Variants in CFAP54 observed in about 807,000 individuals in gnomAD.
CFAP54 encodes cilia and flagella associated protein 54, also known as cilia- and flagella-associated protein 54.
A neutral mutation model predicts 370.4 loss-of-function variants in CFAP54; 290 were observed. That is an observed-to-expected ratio of 0.78 (90% CI 0.71 to 0.86). The LOEUF (loss-of-function observed/expected upper bound fraction) is 0.86, where lower values mean the gene tolerates loss of function less well. Ranked by LOEUF, CFAP54 falls within the 40% of genes least tolerant of loss-of-function variation. CFAP54 has a pLI of 0.00. For missense variants in CFAP54, 3,399 were observed against 3,528.7 expected, an observed-to-expected ratio of 0.96 and a Z score of 0.93; for synonymous variants, 1,206 against 1,236.5, an observed-to-expected ratio of 0.98 and a Z score of 0.52.
chr12:96,813,418 T>C (rs1157379109), intron 64 of CFAP54, among the ~76,000 whole-genome samples: 1 of 152,130 alleles, frequency 6.6e-6, no homozygotes, highest in African/African-American at 2.4e-5. Context: ...GAAGGCAAAG[T>C]AGGAGTAAAA....
At chr12:96,501,861 A>C (rs998291466) in intron 2 of CFAP54, among the ~76,000 whole-genome samples, 49 of 152,248 alleles carry the variant, frequency 3.2e-4, no homozygotes, top group African/African-American at 1.2e-3. Flanking sequence ...ATAGTTCCAC[A>C]TAAATGGACC....
intron 40 of CFAP54, among the ~76,000 whole-genome samples, chr12:96,681,607 C>G (rs1016563931): frequency 6.6e-6 from 1 of 151,858 alleles, no homozygotes; most frequent in Non-Finnish European, 1.5e-5. Context: ...GCTGTCTTGC[C>G]CAGGCTGGAG....
intron 48 of CFAP54, 111 bp from the exon 49 acceptor site, chr12:96,718,332 C>A: frequency 1.6e-6 from 1 of 636,342 alleles, no homozygotes; most frequent in East Asian, 3.2e-5. Flanking sequence ...GTGCTCCAGC[C>A]TGGGTGACAG....
intron 17 of CFAP54, among the ~76,000 whole-genome samples, chr12:96,560,770 T>C (rs544295821): frequency 1.3e-5 from 2 of 152,316 alleles, no homozygotes; most frequent in East Asian, 3.9e-4. Context: ...AGTGAAAAAG[T>C]AATTGGTGCT....
chr12:96,825,390 T>C (rs1242256859), intron 65 of CFAP54, among the ~76,000 whole-genome samples: 46 of 112,058 alleles, frequency 4.1e-4, no homozygotes, highest in South Asian at 7.9e-4. Context: ...TTATATATTA[T>C]GTAACATGTT....
rs1435449269 is a variant in CFAP54, at chr12:96,757,567, A to G, written c.8019A>G (p.Ser2673=). The change falls in exon 58 of 68, where the codon TCA becomes TCG. Residue 2673 remains serine (S), a synonymous_variant. Coordinates refer to ENST00000524981, the MANE Select transcript of CFAP54 (RefSeq NM_001306084.2). ...FHLKKPKIKI[S]GSPLTLKPPL... is the part of the protein sequence containing the mutation. Reference sequence around the variant, plus strand: ...TGAAGAAGCCAAAGATAAAAATTTCAGGATCACCATTAACACTTAAGGTAA... The same window carrying G: ...TGAAGAAGCCAAAGATAAAAATTTCGGGATCACCATTAACACTTAAGGTAA... The G allele has an allele frequency of 1.9e-6, 3 of 1,590,844 alleles. No homozygotes were observed. The highest frequency in any genetic ancestry group is 2.6e-6 in the Non-Finnish European group (3 of 1,163,446).
chr12:96,738,120 G>A (rs1958002926), intron 50 of CFAP54, among the ~76,000 whole-genome samples: 1 of 152,152 alleles, frequency 6.6e-6, no homozygotes, highest in African/African-American at 2.4e-5. Flanking sequence ...TTGAACGAAC[G>A]CGTTAGCAGT....
chr12:96,620,242 A>T (rs1158602934), intron 26 of CFAP54, among the ~76,000 whole-genome samples: 1 of 152,128 alleles, frequency 6.6e-6, no homozygotes, highest in Non-Finnish European at 1.5e-5. Flanking sequence ...ATATGGTTTG[A>T]CTGTCTCCCC....
At chr12:96,566,218 T>G (rs1430802140) in intron 19 of CFAP54, among the ~76,000 whole-genome samples, 2 of 152,182 alleles carry the variant, frequency 1.3e-5, no homozygotes, top group Non-Finnish European at 2.9e-5. Context: ...CTCTGTCGGA[T>G]GCAGTGGGAG....
intron 9 of CFAP54, among the ~76,000 whole-genome samples, chr12:96,530,068 A>G (rs1955425467): frequency 6.6e-6 from 1 of 152,240 alleles, no homozygotes; most frequent in Non-Finnish European, 1.5e-5. Context: ...ACACAGCACC[A>G]TTTATTGAAG....
chr12:96,759,141 C>T (rs748967915), intron 58 of CFAP54, among the ~76,000 whole-genome samples: 10 of 151,938 alleles, frequency 6.6e-5, no homozygotes, highest in Non-Finnish European at 1.2e-4. Context: ...AATAGAGTCT[C>T]AGTCAATTCT....
chr12:96,826,344 A>G (rs1196118852), intron 65 of CFAP54, among the ~76,000 whole-genome samples: 4 of 140,728 alleles, frequency 2.8e-5, no homozygotes, highest in East Asian at 2.0e-4. Flanking sequence ...TCTACAATAT[A>G]TATACTTGAA....
intron 66 of CFAP54, among the ~76,000 whole-genome samples, chr12:96,855,204 C>T (rs890360451): frequency 6.6e-6 from 1 of 152,098 alleles, no homozygotes. Flanking sequence ...CCACCAGGTC[C>T]CTCTCATGAC....
At chr12:96,780,229 T>C (rs1958567704) in intron 60 of CFAP54, among the ~76,000 whole-genome samples, 1 of 152,204 alleles carries the variant, frequency 6.6e-6, no homozygotes, top group Non-Finnish European at 1.5e-5. Flanking sequence ...TTGTATGCTT[T>C]TTGTGTTCAG....
rs12311967 is a variant in CFAP54, at chr12:96,776,121, A to G, written c.8282-8596A>G. ...AAGTTGTAATTTTAGGGGAAAAACT[A>G]TTAGCCAACTTTTTCAGGAAAATTA... On this transcript the variant is annotated intron_variant, in intron 60 of 67. Coordinates refer to ENST00000524981, the MANE Select transcript of CFAP54 (RefSeq NM_001306084.2). Among the ~76,000 whole-genome samples, 991 of 152,266 alleles carry G rather than the reference A, an allele frequency of 6.5e-3. 11 individuals are homozygous for G. Among genetic ancestry groups the G allele is most frequent in the African/African-American group, 0.022 (934 of 41,582 alleles).
chr12:96,743,556 T>G lies in CFAP54; in HGVS notation c.7374T>G (p.Leu2458=). 6.2e-7 allele frequency: 1 copy of G among 1,613,928 alleles called. No homozygotes were observed. The highest frequency in any genetic ancestry group is 1.1e-5 in the South Asian group (1 of 91,058). ...KHLKADIMTN[L]QDIIHLLEGN... is the part of the protein sequence containing the mutation. ...TAAAGGCAGACATCATGACAAACCT[T>G]CAGGTAGAAAGGAAACTTTGTTCGT... The change falls in exon 53 of 68, where the codon CTT becomes CTG. Residue 2458 remains leucine, a synonymous_variant. Coordinates refer to ENST00000524981, the MANE Select transcript of CFAP54 (RefSeq NM_001306084.2).
At chr12:96,717,475 CTT>C (rs1957697142) in intron 48 of CFAP54, among the ~76,000 whole-genome samples, 1 of 152,156 alleles carries the variant, frequency 6.6e-6, no homozygotes, top group Non-Finnish European at 1.5e-5. Context: ...ACTTAACAAA[CTT>C]AATTTCTTCA....
At position 96,677,335 on chromosome 12, in the gene CFAP54, A is replaced by G. The variant is rs868558030; in HGVS notation, c.5564-2265A>G. Among the ~76,000 whole-genome samples the G allele has an allele frequency of 8.5e-5, 13 of 152,294 alleles. No homozygotes were observed. In the Middle Eastern group the frequency reaches 0.01, roughly 120 times the overall value. On this transcript the variant is annotated intron_variant, in intron 39 of 67. Coordinates refer to ENST00000524981, the MANE Select transcript of CFAP54 (RefSeq NM_001306084.2). ...TGAGAAATAAATTTCTGTTGTTTAT[A>G]ATCCACCCAGTCTATGGTAATTTCT...
intron 50 of CFAP54, among the ~76,000 whole-genome samples, chr12:96,723,490 T>C (rs1371068422): frequency 1.3e-5 from 2 of 152,056 alleles, no homozygotes; most frequent in African/African-American, 2.4e-5. Flanking sequence ...GCCACAAGCT[T>C]CTGATAGATT....
Sources: gnomAD v4.1 joint callset for allele counts (sites outside exome capture counted in the v4.1 genomes callset) on GRCh38, gnomAD v4.1.1 for gene constraint, MANE v1.5 for transcripts, NCBI Gene and HGNC (gene_info 2026-07-23, HGNC 2026-07-21) for gene names.